Variants in PAPLN observed in about 807,000 individuals in gnomAD.
PAPLN encodes the protein papilin.
Under a neutral mutation model 159.0 loss-of-function variants are expected in PAPLN, and 146 were observed. The observed-to-expected ratio is 0.92, with a 90% CI of 0.80 to 1.05. PAPLN has a LOEUF of 1.05. Ranked by LOEUF, PAPLN falls within the 50% of genes least tolerant of loss-of-function variation. The pLI is 0.00. For synonymous variants in PAPLN, 734 were observed against 702.9 expected, an observed-to-expected ratio of 1.04 and a Z score of -0.70; for missense variants, 1,720 against 1,743.9, an observed-to-expected ratio of 0.99 and a Z score of 0.24.
rs77598999 is a variant in PAPLN at position 73,259,669 on chromosome 14, G to T, written c.1985+124G>T. 833 of 1,258,254 alleles carry T rather than the reference G, an allele frequency of 6.6e-4. 4 individuals carry two copies. In the African/African-American group the frequency reaches 0.012, roughly 18 times the overall value. The allele number at this position is 1,258,254 out of a possible 1,614,324, so 77.9% of individuals were successfully genotyped here. On this transcript the variant is annotated intron_variant, in intron 16 of 26. Coordinates refer to ENST00000644200, the MANE Select transcript of PAPLN (RefSeq NM_001365906.3). ...GGTGTGCAGAGCTCAGGAATAGGAT[G>T]CCCAAGCTTTCCTCCCTGGGCTGCC...
At chr14:73,240,851 T>C (rs948061756) in intron 2 of PAPLN, among the ~76,000 whole-genome samples, 1 of 152,170 alleles carries the variant, frequency 6.6e-6, no homozygotes, top group Non-Finnish European at 1.5e-5. Flanking sequence ...GCTCAGTGCC[T>C]GGCAGAATAG....
chr14:73,236,823 A>G (rs1883058148), upstream of PAPLN, among the ~76,000 whole-genome samples: 3 of 151,470 alleles, frequency 2.0e-5, no homozygotes, highest in Admixed American at 2.0e-4. Flanking sequence ...TCTAAAAAAA[A>G]AAAAAAGAAA....
chr14:73,247,086 T>C (rs558703644), intron 5 of PAPLN, among the ~76,000 whole-genome samples: 1 of 152,144 alleles, frequency 6.6e-6, no homozygotes. Flanking sequence ...ATGGGAAGCG[T>C]TCCTCCCGTC....
chr14:73,240,270 G>A (rs753121917), intron 2 of PAPLN, among the ~76,000 whole-genome samples: 6 of 152,034 alleles, frequency 3.9e-5, no homozygotes, highest in Admixed American at 1.3e-4. Context: ...ATTCCCCTTG[G>A]GGTAGCACCT....
At position 73,262,534 on chromosome 14, in the gene PAPLN, G is replaced by T; in HGVS notation, c.2430G>T (p.Gly810=). 6.4e-7 allele frequency: 1 copy of T among 1,571,936 alleles called. No individual in the cohort carries two copies. The highest frequency in any genetic ancestry group is 1.2e-5 in the South Asian group (1 of 86,584). The change falls in exon 19 of 27, where the codon GGG becomes GGT. Residue 810 remains glycine, a synonymous_variant. Coordinates refer to ENST00000644200, the MANE Select transcript of PAPLN (RefSeq NM_001365906.3). The part of the protein sequence containing the change: ...CMSSCQGSLH[G]PRRPQPGASG... ...GCAGCTGCCAGGGATCTCTCCATGGGCCCCGTCGTCCCCAGCCTGGGGCTT... is the reference window on the plus strand; with the variant it reads ...GCAGCTGCCAGGGATCTCTCCATGGTCCCCGTCGTCCCCAGCCTGGGGCTT...
At chr14:73,236,636 G>A (rs1014208695), upstream of PAPLN, among the ~76,000 whole-genome samples, 1 of 152,114 alleles carries the variant, frequency 6.6e-6, no homozygotes, top group African/African-American at 2.4e-5. Flanking sequence ...GGCCAACAAG[G>A]TGAAAACCTG....
chr14:73,260,559 T>A (rs1179194404), intron 16 of PAPLN, 150 bp from the exon 17 acceptor site: 2 of 1,012,794 alleles, frequency 2.0e-6, no homozygotes, highest in Non-Finnish European at 2.6e-6. Flanking sequence ...GCACACAAAA[T>A]GGCCTGCCCT....
chr14:73,250,852 A>G, intron 6 of PAPLN, 55 bp from the exon 7 acceptor site: 1 of 1,538,934 alleles, frequency 6.5e-7, no homozygotes, highest in Non-Finnish European at 8.7e-7. Context: ...ACGGGGCCCA[A>G]GGCCTGATGT....
intron 2 of PAPLN, 23 bp from the exon 3 acceptor site, chr14:73,244,621 A>G (rs1397275083): frequency 6.5e-7 from 1 of 1,546,898 alleles, no homozygotes; most frequent in East Asian, 2.4e-5. Flanking sequence ...GGCAATGCTG[A>G]TGCATGGTCC....
chr14:73,265,374 C>T lies in PAPLN; in HGVS notation c.3130C>T (p.Arg1044Cys), dbSNP rs1383833585. ...SSHPQPANRL[R>C]LDQNQPRVVD... ...TGTGGGCTGCTTGTTTGGCAGGCTG[C>T]GTTTGGACCAGAACCAGCCCCGGGT... Residue 1044 changes from arginine to cysteine, a missense_variant, in exon 23 of 27, where the codon CGT becomes TGT. Physicochemically the swap from Arg to Cys is radical, Grantham distance 180. Transcript: ENST00000644200. This position sits in a 1 kb window ranked among gnomAD's most constrained non-coding sequence, Gnocchi z 4.1. 6.2e-6 allele frequency: 10 copies of T among 1,608,870 alleles called. No individual in the cohort carries two copies. Among genetic ancestry groups the T allele is most frequent in the Middle Eastern group, 1.7e-4 (1 of 6,048 alleles).
chr14:73,244,138 T>A (rs177405), intron 2 of PAPLN: 90,503 of 155,780 alleles, frequency 0.58, 27,443 homozygotes, highest in East Asian at 0.85. Flanking sequence ...ATTTTTTTTT[T>A]AAATTTTGGG....
In PAPLN at chr14:73,246,164, C is replaced by T; in HGVS notation, c.323C>T (p.Pro108Leu). 1 of 1,585,878 alleles carries T rather than the reference C, an allele frequency of 6.3e-7. No individual in the cohort carries two copies. The highest frequency in any genetic ancestry group is 1.7e-4 in the Middle Eastern group (1 of 5,978). The change falls in exon 5 of 27, where the codon CCC (proline) becomes CTC (leucine). Residue 108 changes from proline to leucine, a missense_variant. Pro to Leu is a moderately conservative substitution (Grantham distance 98, BLOSUM62 -3). Coordinates refer to ENST00000644200, the MANE Select transcript of PAPLN (RefSeq NM_001365906.3). ...CAGGGGCGGCGGTATCGGTGGCTGC[C>T]CTACTACAGCGGTGAGCGCGGCCGG... is the stretch of plus-strand genomic sequence containing the variant. ...EFQGRRYRWLPYYSAPNKCEL... is the reference protein window; with the variant it reads ...EFQGRRYRWLLYYSAPNKCEL...
chr14:73,251,480 C>A lies in PAPLN; in HGVS notation c.590-6C>A, dbSNP rs754731191. 1.1e-5 allele frequency: 18 copies of A among 1,604,208 alleles called. No homozygotes were observed. The highest frequency in any genetic ancestry group is 1.3e-5 in the African/African-American group (1 of 74,886). ...GCACACCCAGCACCTGCGTCTCTGC[C>A]CCCAGGCTACAACCAGATCCTCATA... On this transcript the variant is annotated splice_polypyrimidine_tract_variant and splice_region_variant and intron_variant, in intron 7 of 26. Coordinates refer to ENST00000644200, the MANE Select transcript of PAPLN (RefSeq NM_001365906.3).
chr14:73,238,522 T>G lies in PAPLN; in HGVS notation c.-7+930T>G, dbSNP rs942311626. On this transcript the variant is annotated intron_variant, in intron 1 of 26. Coordinates refer to ENST00000644200, the MANE Select transcript of PAPLN (RefSeq NM_001365906.3). ...TGAAATTGCAGCGGAGGCGGTGGTG[T>G]TCTGAGTAATTACAAGTAAAATTCT... is the stretch of plus-strand genomic sequence containing the variant. Among the ~76,000 whole-genome samples the G allele has an allele frequency of 2.0e-5, 3 of 152,188 alleles. 1 individual carries two copies. The highest frequency in any genetic ancestry group is 2.9e-5 in the Non-Finnish European group (2 of 68,034).
intron 7 of PAPLN, among the ~76,000 whole-genome samples, 192 bp from the exon 8 acceptor site, chr14:73,251,294 C>T (rs1022521138): frequency 3.9e-5 from 6 of 152,220 alleles, no homozygotes; most frequent in African/African-American, 1.4e-4. Flanking sequence ...GTGCCCTGAG[C>T]CTTCCCGCCA....
At chr14:73,239,982 A>C (rs974403923) in intron 2 of PAPLN, 150 bp downstream of exon 2, 3 of 1,405,004 alleles carry the variant, frequency 2.1e-6, no homozygotes, top group Non-Finnish European at 2.8e-6. Flanking sequence ...GAGCTCCCTC[A>C]GAAAGGGCTG....
Position 73,259,389 on chromosome 14 carries a change from C to CCTCTCT in PAPLN, c.1830_1835dup (p.Ser611_Leu612dup). 6.2e-7 allele frequency: 1 copy of CCTCTCT among 1,612,502 alleles called. No homozygotes were observed. The highest frequency in any genetic ancestry group is 1.3e-5 in the African/African-American group (1 of 74,996). ...CACCTGTCAGCCCTGGGCCCCGCTC[C>CCTCTCT]CTCTCTGCAGCAGCCCCCATACCAG... On this transcript the variant is annotated inframe_insertion, in exon 16 of 27. Coordinates refer to ENST00000644200, the MANE Select transcript of PAPLN (RefSeq NM_001365906.3).
Position 73,268,588 on chromosome 14 carries a change from C to T in PAPLN, c.3532C>T (p.Arg1178Cys), listed in dbSNP as rs762384983. The T allele has an allele frequency of 9.3e-6, 15 of 1,613,394 alleles. No homozygotes were observed. Among genetic ancestry groups the T allele is most frequent in the Middle Eastern group, 3.3e-4 (2 of 6,082 alleles). The change falls in exon 26 of 27, where the codon CGT becomes TGT. Residue 1178 changes from arginine to cysteine, a missense_variant. Arg to Cys is a radical substitution (Grantham distance 180). Coordinates refer to ENST00000644200, the MANE Select transcript of PAPLN (RefSeq NM_001365906.3). ...NGLPVQADGH[R>C]VHQSPDGTLL... is the part of the protein sequence containing the mutation. ...GCTACCTGTGCAGGCTGATGGCCAC[C>T]GTGTCCACCAGTCCCCAGATGGCAC...
intron 23 of PAPLN, 74 bp from the exon 24 acceptor site, chr14:73,266,427 A>G: frequency 6.4e-7 from 1 of 1,558,282 alleles, no homozygotes; most frequent in Non-Finnish European, 8.7e-7. Flanking sequence ...CCCTGACCCC[A>G]TGCTCGAGGG....
Sources: gnomAD v4.1 joint callset for allele counts (sites outside exome capture counted in the v4.1 genomes callset) on GRCh38, gnomAD v4.1.1 for gene constraint, Gnocchi (gnomAD v3.1) non-coding constraint, MANE v1.5 for transcripts, NCBI Gene and HGNC (gene_info 2026-07-23, HGNC 2026-07-21) for gene names.